ACOX3: variants seen among roughly 807,000 people sequenced by gnomAD.
The protein encoded by ACOX3 is peroxisomal acyl-coenzyme A oxidase 3.
ACOX3 carries 73 observed loss-of-function variants against 81.5 expected under a neutral mutation model. That is an observed-to-expected ratio of 0.90 (90% CI 0.74 to 1.09). The LOEUF is 1.09. Among genes scored for constraint, ACOX3 ranks in the 50% least tolerant of loss-of-function variants. ACOX3 has a pLI of 0.00. For synonymous variants in ACOX3, 387 were observed against 375.1 expected (o/e 1.03, Z -0.37); for missense variants, 947 against 928.0 (o/e 1.02, Z -0.27).
intron 1 of ACOX3, among the ~76,000 whole-genome samples, chr4:8,440,389 A>G (rs1454446141): frequency 6.6e-6 from 1 of 152,252 alleles, no homozygotes; most frequent in Non-Finnish European, 1.5e-5. Context: ...TGAAACAGCC[A>G]TGGCTGCACT....
chr4:8,426,789 T>C (rs1384024140), intron 1 of ACOX3, among the ~76,000 whole-genome samples: 1 of 152,138 alleles, frequency 6.6e-6, no homozygotes, highest in African/African-American at 2.4e-5. Context: ...GCTGTGAAAC[T>C]ACAAATGTTC....
chr4:8,378,953 G>A (rs1717310739), intron 14 of ACOX3, among the ~76,000 whole-genome samples: 2 of 152,328 alleles, frequency 1.3e-5, no homozygotes, highest in South Asian at 4.1e-4. Context: ...CTGTGGAAGT[G>A]TGGCTTTGAC....
the ACOX3 span, chr4:8,357,299 T>G: frequency 2.2e-6 from 1 of 455,656 alleles, no homozygotes; most frequent in Non-Finnish European, 4.4e-6. Flanking sequence ...CAGGGAGGAC[T>G]CTGGGGCAGG....
chr4:8,405,800 G>T lies in ACOX3; in HGVS notation c.776+155C>A, dbSNP rs970894785. 2.6e-5 allele frequency among the ~76,000 whole-genome samples: 4 copies of T among 152,232 alleles called. No individual in the cohort carries two copies. The highest frequency in any genetic ancestry group is 9.6e-5 in the African/African-American group (4 of 41,470). ...GTGGAGTTCAAGCAGGACGTGGCCA[G>T]TGCATGCACGGGGGCTAGGCGTAGG... On this transcript the variant is annotated intron_variant, in intron 7 of 17. Transcript: ENST00000356406. This position sits in a 1 kb window ranked among gnomAD's most constrained non-coding sequence, Gnocchi z 7.1.
chr4:8,396,860 AAAC>A, intron 9 of ACOX3, 74 bp downstream of exon 9: 1 of 1,532,708 alleles, frequency 6.5e-7, no homozygotes. Context: ...CCCAGTAACC[AAAC>A]GGCAACTATG....
Position 8,373,442 on chromosome 4 carries a change from G to A in ACOX3, c.1896+119C>T, listed in dbSNP as rs1156817091. 3.8e-6 allele frequency: 4 copies of A among 1,047,120 alleles called. No homozygotes were observed. In the African/African-American group the frequency reaches 5.1e-5, roughly 13 times the overall value. 64.9% of individuals were successfully genotyped at this position (1,047,120 alleles called of 1,614,324 possible). On this transcript the variant is annotated intron_variant, in intron 16 of 17. Coordinates refer to ENST00000356406, the MANE Select transcript of ACOX3 (RefSeq NM_003501.3). ...TCTGGGTGACGCTAAGGGGGTGCGT[G>A]TCAGTCTGGGTGATACTAAGGCGGT...
At position 8,400,183 on chromosome 4, in the gene ACOX3, G is replaced by A. The variant is rs573142275; in HGVS notation, c.777-531C>T. On this transcript the variant is annotated intron_variant, in intron 7 of 17. Coordinates refer to ENST00000356406, the MANE Select transcript of ACOX3 (RefSeq NM_003501.3). This position sits in a 1 kb window ranked among gnomAD's most constrained non-coding sequence, Gnocchi z 4.4. ...GGAGAATTGTTTGAACCCGGGCGGC[G>A]GAAGTTGCAGTGAGCCAAGATCACG... is the stretch of plus-strand genomic sequence containing the variant. Among the ~76,000 whole-genome samples the A allele has an allele frequency of 9.9e-5, 15 of 151,918 alleles. No individual in the cohort carries two copies. The highest frequency in any genetic ancestry group is 2.1e-4 in the Non-Finnish European group (14 of 67,990).
In ACOX3 at chr4:8,406,131, G is replaced by T; in HGVS notation, c.688-88C>A. 1 of 1,319,346 alleles carries T rather than the reference G, an allele frequency of 7.6e-7. No homozygotes were observed. 81.7% of individuals were successfully genotyped at this position (1,319,346 alleles called of 1,614,324 possible). A position where few individuals can be genotyped will look rare whatever the true frequency, so the allele number is the denominator to read the frequency against. On this transcript the variant is annotated intron_variant, in intron 6 of 17. Transcript: ENST00000356406. This position sits in a 1 kb window ranked among gnomAD's most constrained non-coding sequence, Gnocchi z 5.6. ...ATGTGTTCAGAAACCCACAGGGTGG[G>T]CCATGGGCTCAACGCTGGGCGGCTG...
chr4:8,436,601 A>G (rs564968108), intron 1 of ACOX3, among the ~76,000 whole-genome samples: 72 of 152,316 alleles, frequency 4.7e-4, no homozygotes, highest in Non-Finnish European at 9.1e-4. Flanking sequence ...AAAAGCAATT[A>G]ATATAAAAAA....
At chr4:8,418,373 C>T (rs753097880) in intron 1 of ACOX3, among the ~76,000 whole-genome samples, 3 of 150,160 alleles carry the variant, frequency 2.0e-5, no homozygotes, top group East Asian at 2.0e-4. Flanking sequence ...GCAGGAGAAT[C>T]GCTTGAACCT....
Position 8,405,025 on chromosome 4 carries a change from C to T in ACOX3, c.776+930G>A, listed in dbSNP as rs1720782998. ...TCAAGCCCGGCCTGCTCAGGCAGGG[C>T]CTGGCAGGGCCCTGGCACAGGGACC... On this transcript the variant is annotated intron_variant, in intron 7 of 17. Transcript: ENST00000356406. The surrounding 1 kb of genome is among the most constrained non-coding windows in gnomAD (Gnocchi z 7.1). Among the ~76,000 whole-genome samples, 1 of 152,116 alleles carries T rather than the reference C, an allele frequency of 6.6e-6. No individual in the cohort carries two copies. The highest frequency in any genetic ancestry group is 6.5e-5 in the Admixed American group (1 of 15,278).
chr4:8,377,048 C>G (rs1717056027), intron 14 of ACOX3, among the ~76,000 whole-genome samples: 1 of 152,152 alleles, frequency 6.6e-6, no homozygotes, highest in East Asian at 2.0e-4. Flanking sequence ...CGGGTGACGG[C>G]ATCTGCACCC....
chr4:8,390,472 A>G (rs1029801487), intron 11 of ACOX3, among the ~76,000 whole-genome samples: 1 of 152,194 alleles, frequency 6.6e-6, no homozygotes, highest in Non-Finnish European at 1.5e-5. Flanking sequence ...GGGGTTGCTG[A>G]TAGGAGGGAG....
In ACOX3 at chr4:8,399,888, C is replaced by T. The variant is rs1376727061; in HGVS notation, c.777-236G>A. Among the ~76,000 whole-genome samples the T allele has an allele frequency of 6.6e-6, 1 of 152,102 alleles. No individual in the cohort carries two copies. Among genetic ancestry groups the T allele is most frequent in the Admixed American group, 6.5e-5 (1 of 15,274 alleles). On this transcript the variant is annotated intron_variant, in intron 7 of 17. Transcript: ENST00000356406. The surrounding 1 kb of genome is among the most constrained non-coding windows in gnomAD (Gnocchi z 4.9). ...ACTGAGGCAGGAGGATTGCTTGAGC[C>T]CAGGAGTTTGAGACCAGCCTGGGCA...
chr4:8,439,450 G>A (rs771440614), intron 1 of ACOX3: 1 of 152,204 alleles, frequency 6.6e-6, no homozygotes, highest in Non-Finnish European at 1.5e-5. Context: ...AGGCTAACAT[G>A]AGAGACCAAT....
the ACOX3 span, chr4:8,356,794 G>A: frequency 2.2e-6 from 1 of 456,538 alleles, no homozygotes; most frequent in Non-Finnish European, 4.4e-6. Context: ...CAGGAAGAAA[G>A]TGAGCAGAAT....
rs563698805 is a variant in ACOX3 at position 8,424,621 on chromosome 4, C to T, written c.-14-8086G>A. Among the ~76,000 whole-genome samples the T allele has an allele frequency of 9.2e-5, 14 of 152,120 alleles. No homozygotes were observed. In the South Asian group the frequency reaches 1.0e-3, roughly 11 times the overall value. On this transcript the variant is annotated intron_variant, in intron 1 of 17. Coordinates refer to ENST00000356406, the MANE Select transcript of ACOX3 (RefSeq NM_003501.3). Reference sequence around the variant, plus strand: ...CATACTCACTGCTAAAGGAGACTTACGGCTGTCAGACAACCGTTTGCTTAA... The same window carrying T: ...CATACTCACTGCTAAAGGAGACTTATGGCTGTCAGACAACCGTTTGCTTAA...
At position 8,370,271 on chromosome 4, in the gene ACOX3, C is replaced by T. The variant is rs1716004544; in HGVS notation, c.1983+637G>A. ...CAGGAGGGGAGCGTGGGGTGAAGGG[C>T]CTTGGAAGGATTCAGTGGCTGTGTG... is the stretch of plus-strand genomic sequence containing the variant. On this transcript the variant is annotated intron_variant, in intron 17 of 17. Coordinates refer to ENST00000356406, the MANE Select transcript of ACOX3 (RefSeq NM_003501.3). This position sits in a 1 kb window ranked among gnomAD's most constrained non-coding sequence, Gnocchi z 6.3. 6.6e-6 allele frequency among the ~76,000 whole-genome samples: 1 copy of T among 152,102 alleles called. No homozygotes were observed. Among genetic ancestry groups the T allele is most frequent in the African/African-American group, 2.4e-5 (1 of 41,430 alleles).
chr4:8,356,337 T>C, the ACOX3 span: 1 of 358,256 alleles, frequency 2.8e-6, no homozygotes, highest in South Asian at 2.1e-5. Flanking sequence ...GTATAAGAAA[T>C]CTCCCCTGTG....
Sources: allele counts gnomAD v4.1 joint callset (sites outside exome capture counted in the v4.1 genomes callset), GRCh38; gene constraint gnomAD v4.1.1; non-coding constraint Gnocchi (gnomAD v3.1); transcripts MANE v1.5; gene names NCBI Gene and HGNC (gene_info 2026-07-23, HGNC 2026-07-21).